Variants in OLFM2 observed in about 807,000 individuals in gnomAD.
The protein encoded by OLFM2 is noelin-2.
Under a neutral mutation model 43.9 loss-of-function variants are expected in OLFM2, and 20 were observed. That is an observed-to-expected ratio of 0.46 (90% CI 0.32 to 0.66). The LOEUF is 0.66. Ranked by LOEUF, OLFM2 falls within the 30% of genes least tolerant of loss-of-function variation. The pLI is 0.04. For missense variants in OLFM2, 416 were observed against 643.6 expected (o/e 0.65, Z 3.83); for synonymous variants, 268 against 278.6 (o/e 0.96, Z 0.38).
At chr19:9,880,891 T>C (rs1463117725) in intron 1 of OLFM2, among the ~76,000 whole-genome samples, 1 of 152,134 alleles carries the variant, frequency 6.6e-6, no homozygotes, top group Non-Finnish European at 1.5e-5. Flanking sequence ...ATAGCTCCTC[T>C]CAGCTGCAGA....
Position 9,854,364 on chromosome 19 carries a change from T to C in OLFM2, c.1187A>G (p.Tyr396Cys). The C allele has an allele frequency of 6.2e-7, 1 of 1,614,090 alleles. No homozygotes were observed. Among genetic ancestry groups the C allele is most frequent in the Non-Finnish European group, 8.5e-7 (1 of 1,180,000 alleles). The change falls in exon 6 of 6, where the codon TAT becomes TGT. Residue 396 changes from tyrosine to cysteine, a missense_variant. By Grantham distance (194) the Tyr-to-Cys change is radical. Transcript: ENST00000264833. This position sits in a 1 kb window ranked among gnomAD's most constrained non-coding sequence, Gnocchi z 9.5. Reference protein sequence around the residue: ...HLAGAKVYFAYFTNTSSYEYT... With the variant: ...HLAGAKVYFACFTNTSSYEYT... ...CTCGTAACTGGACGTGTTGGTAAAA[T>C]AGGCGAAGTAGACCTTGGCCCCAGC...
At chr19:9,889,954 C>T (rs1376796620) in intron 1 of OLFM2, among the ~76,000 whole-genome samples, 1 of 151,788 alleles carries the variant, frequency 6.6e-6, no homozygotes, top group African/African-American at 2.4e-5. Flanking sequence ...CACTGCCAGG[C>T]CCCTATAAAT....
Position 9,853,877 on chromosome 19 carries a change from G to A in OLFM2, c.*309C>T. 1 of 465,520 alleles carries A rather than the reference G, an allele frequency of 2.1e-6. No homozygotes were observed. Among genetic ancestry groups the A allele is most frequent in the Non-Finnish European group, 3.8e-6 (1 of 263,854 alleles). 28.8% of individuals were successfully genotyped at this position (465,520 alleles called of 1,614,324 possible). ...GCAAGGAGGGAGGGGTGGAAGGACA[G>A]AGAGAGAGAGACAGAGAGAGGCAGA... On this transcript the variant is annotated 3_prime_UTR_variant, in exon 6 of 6. Coordinates refer to ENST00000264833, the MANE Select transcript of OLFM2 (RefSeq NM_058164.4).
Position 9,888,533 on chromosome 19 carries a change from AC to A in OLFM2, c.64-27740del, listed in dbSNP as rs2046609379. Among the ~76,000 whole-genome samples, 2 of 149,492 alleles carry A rather than the reference AC, an allele frequency of 1.3e-5. 1 individual carries two copies. Among genetic ancestry groups the A allele is most frequent in the Non-Finnish European group, 3.0e-5 (2 of 67,220 alleles). On this transcript the variant is annotated intron_variant, in intron 1 of 5. Transcript: ENST00000264833. The stretch of plus-strand genomic sequence containing the variant: ...TGAGACCTTACCTCAAAAAAAAAAA[AC>A]AAAAAACAAACCTTCCCTGATCTCC...
At chr19:9,912,514 G>C (rs2046835399) in intron 1 of OLFM2, among the ~76,000 whole-genome samples, 1 of 152,156 alleles carries the variant, frequency 6.6e-6, no homozygotes. Flanking sequence ...TGGAACAGGG[G>C]TGGGGCTACC....
chr19:9,934,641 G>A (rs890095541), intron 1 of OLFM2, among the ~76,000 whole-genome samples: 1 of 151,782 alleles, frequency 6.6e-6, no homozygotes, highest in African/African-American at 2.4e-5. Flanking sequence ...TTGGTCTCTC[G>A]TCTCCCAGGT....
At chr19:9,861,203 G>GT (rs113853813) in intron 1 of OLFM2, among the ~76,000 whole-genome samples, 9,586 of 129,596 alleles carry the variant, frequency 0.074, 780 homozygotes, top group African/African-American at 0.21. Flanking sequence ...GCCACTTAAT[G>GT]TTTTTTTTTT....
intron 1 of OLFM2, among the ~76,000 whole-genome samples, chr19:9,874,664 A>G (rs964308264): frequency 6.6e-6 from 1 of 151,928 alleles, no homozygotes; most frequent in Admixed American, 6.6e-5. Flanking sequence ...TATTTTTAGT[A>G]GAGATGGGGT....
chr19:9,932,606 C>T (rs185458302), intron 1 of OLFM2, among the ~76,000 whole-genome samples: 1 of 152,154 alleles, frequency 6.6e-6, no homozygotes, highest in African/African-American at 2.4e-5. Context: ...AGATAAATAG[C>T]TACCAGGGGG....
chr19:9,862,889 C>A (rs188031193), intron 1 of OLFM2, among the ~76,000 whole-genome samples: 2 of 151,370 alleles, frequency 1.3e-5, no homozygotes, highest in Non-Finnish European at 2.9e-5. Context: ...GCAGGAGAAT[C>A]GCTTGAACCT....
At chr19:9,866,137 G>A (rs1033658981) in intron 1 of OLFM2, among the ~76,000 whole-genome samples, 4 of 152,202 alleles carry the variant, frequency 2.6e-5, no homozygotes, top group African/African-American at 9.6e-5. Flanking sequence ...TCACCGGAGT[G>A]TTCTCTGCAG....
intron 1 of OLFM2, among the ~76,000 whole-genome samples, chr19:9,892,076 G>A (rs1407288445): frequency 1.3e-5 from 2 of 152,104 alleles, no homozygotes; most frequent in Non-Finnish European, 2.9e-5. Flanking sequence ...GTCTGAGTGT[G>A]CCAGTTGGCT....
chr19:9,936,249 G>GC (rs916361316), intron 1 of OLFM2, 55 bp downstream of exon 1: 15 of 1,512,862 alleles, frequency 9.9e-6, no homozygotes, highest in African/African-American at 2.8e-5. Context: ...AACCCTCCGC[G>GC]CCCCCCTCCT....
intron 1 of OLFM2, among the ~76,000 whole-genome samples, chr19:9,887,270 C>A (rs1373859455): frequency 6.6e-6 from 1 of 151,996 alleles, no homozygotes; most frequent in African/African-American, 2.4e-5. Context: ...CCTCCACCTC[C>A]CGGGTTAAAG....
chr19:9,913,315 C>G (rs1270203243), intron 1 of OLFM2, among the ~76,000 whole-genome samples: 3 of 152,104 alleles, frequency 2.0e-5, no homozygotes, highest in Non-Finnish European at 4.4e-5. Context: ...CCACGTCCGA[C>G]CCTGGAACCC....
chr19:9,890,842 T>C (rs2046632729), intron 1 of OLFM2, among the ~76,000 whole-genome samples: 1 of 152,134 alleles, frequency 6.6e-6, no homozygotes, highest in South Asian at 2.1e-4. Flanking sequence ...TATTCCCAGC[T>C]ACTCAGGAGG....
In OLFM2 at chr19:9,893,756, T is replaced by C. The variant is rs1300604146; in HGVS notation, c.64-32962A>G. ...ATTAATGAGGGTAAGGGGATTTCATTTCTCCAACGCCATCATGTAAAATTC... is the reference window on the plus strand; with the variant it reads ...ATTAATGAGGGTAAGGGGATTTCATCTCTCCAACGCCATCATGTAAAATTC... On this transcript the variant is annotated intron_variant, in intron 1 of 5. Transcript: ENST00000264833. Among the ~76,000 whole-genome samples, 5 of 152,152 alleles carry C rather than the reference T, an allele frequency of 3.3e-5. No homozygotes were observed. In the East Asian group the frequency reaches 9.6e-4, roughly 29 times the overall value.
rs2086492656 is a variant in OLFM2, at chr19:9,932,985, G to A, written c.63+3319C>T. Among the ~76,000 whole-genome samples the A allele has an allele frequency of 2.0e-5, 3 of 152,146 alleles. No individual in the cohort carries two copies. In the South Asian group the frequency reaches 6.2e-4, roughly 32 times the overall value. ...GCCCACAGCTTACAAGTTCCTAAGT[G>A]GTCTGGCTTCCCCGGCCTCATCTCC... On this transcript the variant is annotated intron_variant, in intron 1 of 5. Transcript: ENST00000264833.
intron 1 of OLFM2, among the ~76,000 whole-genome samples, chr19:9,932,514 CAG>C (rs1160545345): frequency 2.0e-5 from 3 of 151,532 alleles, no homozygotes; most frequent in African/African-American, 7.3e-5. Flanking sequence ...AGTAAGCACT[CAG>C]AGAGTGGCAG....
Sources: gnomAD v4.1 joint callset for allele counts (sites outside exome capture counted in the v4.1 genomes callset) on GRCh38, gnomAD v4.1.1 for gene constraint, Gnocchi (gnomAD v3.1) non-coding constraint, MANE v1.5 for transcripts, NCBI Gene and HGNC (gene_info 2026-07-23, HGNC 2026-07-21) for gene names.